The following DDAH1 variants were observed in gnomAD, a reference collection of about 807,000 sequenced individuals.
DDAH1 encodes the protein dimethylarginine dimethylaminohydrolase 1.
Under a neutral mutation model 28.8 loss-of-function variants are expected in DDAH1, and 19 were observed. The ratio of observed to expected loss-of-function variants is 0.66; its 90% confidence interval spans 0.46 to 0.97. The LOEUF (loss-of-function observed/expected upper bound fraction) is 0.97. Among genes scored for constraint, DDAH1 ranks in the 50% least tolerant of loss-of-function variants. DDAH1 has a pLI of 0.00. For missense variants in DDAH1, 326 were observed against 375.9 expected (o/e 0.87, Z 1.10); for synonymous variants, 153 against 154.4 (o/e 0.99, Z 0.07).
At chr1:85,445,187 A>G (rs1237904151) in intron 1 of DDAH1, among the ~76,000 whole-genome samples, 1 of 152,060 alleles carries the variant, frequency 6.6e-6, no homozygotes. Context: ...CTTTGACAAC[A>G]CCCTCATAGA....
intron 1 of DDAH1, among the ~76,000 whole-genome samples, chr1:85,379,161 G>A (rs893513071): frequency 2.0e-5 from 3 of 152,158 alleles, no homozygotes; most frequent in African/African-American, 7.2e-5. Context: ...TGGCCTTATA[G>A]AGAATTATCC....
intron 1 of DDAH1, among the ~76,000 whole-genome samples, chr1:85,374,028 T>C (rs1650525851): frequency 6.6e-6 from 1 of 152,160 alleles, no homozygotes; most frequent in African/African-American, 2.4e-5. Flanking sequence ...TAACCATTGC[T>C]CATTCTGGTT....
At chr1:85,441,569 T>C (rs958344559) in intron 1 of DDAH1, among the ~76,000 whole-genome samples, 2 of 151,752 alleles carry the variant, frequency 1.3e-5, no homozygotes, top group Admixed American at 1.3e-4. Flanking sequence ...TGTTCAGGGA[T>C]AGAAAGTGGC....
chr1:85,542,762 T>C (rs961031024), intron 1 of DDAH1, among the ~76,000 whole-genome samples: 4 of 152,238 alleles, frequency 2.6e-5, no homozygotes, highest in Admixed American at 1.3e-4. Context: ...CTTTCCACTA[T>C]GGTTAGTATT....
Position 85,351,598 on chromosome 1 carries a change from A to T in DDAH1, c.404-19T>A, listed in dbSNP as rs757086073. 1 of 1,602,352 alleles carries T rather than the reference A, an allele frequency of 6.2e-7. No homozygotes were observed. Among genetic ancestry groups the T allele is most frequent in the Non-Finnish European group, 8.6e-7 (1 of 1,169,308 alleles). On this transcript the variant is annotated intron_variant, in intron 2 of 5. Transcript: ENST00000284031. ...TCTCTGCCTGTAATAGATGTCATGG[A>T]ACATAGTGAGCAGGTGGCACCAGTG...
Position 85,445,964 on chromosome 1 carries a change from C to T in DDAH1, c.303+18779G>A, listed in dbSNP as rs555504010. On this transcript the variant is annotated intron_variant, in intron 1 of 5. Coordinates refer to ENST00000284031, the MANE Select transcript of DDAH1 (RefSeq NM_012137.4). Reference sequence around the variant, plus strand: ...AGTTAAATGCCATCTGCAATTCTGACCACTTGTTAGAATGGCAAATTCAAA... The same window carrying T: ...AGTTAAATGCCATCTGCAATTCTGATCACTTGTTAGAATGGCAAATTCAAA... 1.7e-3 allele frequency among the ~76,000 whole-genome samples: 264 copies of T among 152,224 alleles called. 5 individuals are homozygous for T. The South Asian group carries it at 0.023, about 13-fold the overall frequency.
chr1:85,350,897 G>A (rs1162243736), intron 3 of DDAH1, among the ~76,000 whole-genome samples: 1 of 151,896 alleles, frequency 6.6e-6, no homozygotes, highest in Non-Finnish European at 1.5e-5. Flanking sequence ...GCAGTGTAGA[G>A]AGCCAATCTA....
intron 1 of DDAH1, among the ~76,000 whole-genome samples, chr1:85,419,572 A>G (rs991321371): frequency 2.1e-5 from 3 of 140,498 alleles, no homozygotes; most frequent in Admixed American, 7.1e-5. Context: ...TCTGGGTAAC[A>G]TATTTTAAAA....
chr1:85,485,305 G>C (rs1253025259), intron 2 of DDAH1, among the ~76,000 whole-genome samples: 1 of 152,042 alleles, frequency 6.6e-6, no homozygotes, highest in Non-Finnish European at 1.5e-5. Flanking sequence ...AGTTAGCTTA[G>C]GTAGTTTTTT....
At chr1:85,505,880 AT>A (rs1656997821) in intron 1 of DDAH1, among the ~76,000 whole-genome samples, 1 of 152,198 alleles carries the variant, frequency 6.6e-6, no homozygotes, top group African/African-American at 2.4e-5. Context: ...TTTTTAATAC[AT>A]TTTAAACTGG....
chr1:85,423,317 A>C (rs541339618), intron 1 of DDAH1, among the ~76,000 whole-genome samples: 51 of 152,326 alleles, frequency 3.3e-4, no homozygotes, highest in South Asian at 1.9e-3. Context: ...TTTTGCTAGA[A>C]TTTTAATTGG....
intron 1 of DDAH1, among the ~76,000 whole-genome samples, chr1:85,545,168 T>C (rs1658584174): frequency 6.6e-6 from 1 of 152,074 alleles, no homozygotes; most frequent in South Asian, 2.1e-4. Context: ...AGGACGTGAC[T>C]CCCAACAGAA....
rs544188483 is a variant in DDAH1 at position 85,481,780 on chromosome 1, C to CT, written c.-7+14385dup. On this transcript the variant is annotated intron_variant, in intron 2 of 6. Coordinates refer to the DDAH1 transcript ENST00000426972. ...AAGACCTATAACTCATCCATGAAGG[C>CT]TGGGGGCACAGTTTCCCACCACGGG... Among the ~76,000 whole-genome samples the CT allele has an allele frequency of 5.8e-4, 89 of 152,312 alleles. 1 individual carries two copies. Among genetic ancestry groups the CT allele is most frequent in the Admixed American group, 2.2e-3 (34 of 15,292 alleles).
chr1:85,503,559 A>T (rs1311216840), intron 1 of DDAH1, among the ~76,000 whole-genome samples: 1 of 151,840 alleles, frequency 6.6e-6, no homozygotes, highest in African/African-American at 2.4e-5. Context: ...CTATCTATCT[A>T]TCTATCTATC....
intron 2 of DDAH1, among the ~76,000 whole-genome samples, chr1:85,480,418 G>A (rs1369578244): frequency 6.6e-6 from 1 of 152,178 alleles, no homozygotes; most frequent in Non-Finnish European, 1.5e-5. Flanking sequence ...CTAACGATCT[G>A]ATTAAGAAAT....
intron 1 of DDAH1, among the ~76,000 whole-genome samples, chr1:85,547,133 C>T (rs938653552): frequency 6.6e-6 from 1 of 152,108 alleles, no homozygotes; most frequent in Non-Finnish European, 1.5e-5. Context: ...GGAGAACACC[C>T]TGGTAGGAGT....
chr1:85,403,225 A>C (rs1176603104), intron 1 of DDAH1, among the ~76,000 whole-genome samples: 1 of 68,828 alleles, frequency 1.5e-5, no homozygotes, highest in Non-Finnish European at 3.1e-5. Context: ...ATGTATGTGA[A>C]TATATATGTG....
chr1:85,445,310 G>C (rs1056798000), intron 1 of DDAH1, among the ~76,000 whole-genome samples: 1 of 152,010 alleles, frequency 6.6e-6, no homozygotes, highest in African/African-American at 2.4e-5. Flanking sequence ...CAAGGAGGAG[G>C]GGCATCTGAA....
At chr1:85,507,519 T>TAAAC (rs1195639785) in intron 1 of DDAH1, among the ~76,000 whole-genome samples, 1 of 142,266 alleles carries the variant, frequency 7.0e-6, no homozygotes, top group Non-Finnish European at 1.5e-5. Flanking sequence ...AATAAATAAA[T>TAAAC]AAATAAATAA....
Sources: allele counts gnomAD v4.1 joint callset (sites outside exome capture counted in the v4.1 genomes callset), GRCh38; gene constraint gnomAD v4.1.1; transcripts MANE v1.5; gene names NCBI Gene and HGNC (gene_info 2026-07-23, HGNC 2026-07-21).